FAM20B: variants seen among roughly 807,000 people sequenced by gnomAD.
FAM20B encodes the protein FAM20B glycosaminoglycan xylosylkinase, also known as glycosaminoglycan xylosylkinase.
In FAM20B, 23 loss-of-function variants were observed where a neutral mutation model predicts 43.8. The observed-to-expected ratio is 0.53, with a 90% CI of 0.38 to 0.74. The LOEUF is 0.74. Among genes scored for constraint, FAM20B ranks in the 30% least tolerant of loss-of-function variants. The pLI is 0.00. For synonymous variants in FAM20B, 178 were observed against 192.4 expected, an observed-to-expected ratio of 0.93 and a Z score of 0.62; for missense variants, 440 against 510.5, an observed-to-expected ratio of 0.86 and a Z score of 1.33.
chr1:179,034,581 A>G (rs547996428), intron 1 of FAM20B, among the ~76,000 whole-genome samples: 1 of 152,310 alleles, frequency 6.6e-6, no homozygotes, highest in East Asian at 1.9e-4. Flanking sequence ...CTGTCTTTGC[A>G]GACAGTCTAC....
intron 2 of FAM20B, among the ~76,000 whole-genome samples, chr1:179,048,673 T>C (rs920586947): frequency 6.6e-5 from 10 of 152,230 alleles, no homozygotes; most frequent in Non-Finnish European, 1.0e-4. Context: ...GTAGCTAATA[T>C]AAACCTTTTA....
At chr1:179,030,766 T>C (rs887717614) in intron 1 of FAM20B, among the ~76,000 whole-genome samples, 2 of 151,944 alleles carry the variant, frequency 1.3e-5, no homozygotes, top group East Asian at 1.9e-4. Flanking sequence ...CAAACACTTA[T>C]CAGATGCCTC....
intron 1 of FAM20B, among the ~76,000 whole-genome samples, chr1:179,033,103 G>A (rs753855854): frequency 6.6e-6 from 1 of 152,182 alleles, no homozygotes; most frequent in African/African-American, 2.4e-5. Context: ...CGGTAAAAGC[G>A]TGTGTGTGTC....
intron 1 of FAM20B, among the ~76,000 whole-genome samples, chr1:179,026,454 C>T (rs1649784753): frequency 6.6e-6 from 1 of 152,152 alleles, no homozygotes; most frequent in South Asian, 2.1e-4. Context: ...CTTCTAGTGA[C>T]CGTCTCTCGT....
At chr1:179,053,051 T>C (rs1024604005) in intron 3 of FAM20B, among the ~76,000 whole-genome samples, 2 of 152,222 alleles carry the variant, frequency 1.3e-5, no homozygotes, top group African/African-American at 4.8e-5. Context: ...TCTTAGAGTA[T>C]TTGTGTACTT....
At chr1:179,041,398 A>C (rs1366636875) in intron 1 of FAM20B, among the ~76,000 whole-genome samples, 1 of 152,084 alleles carries the variant, frequency 6.6e-6, no homozygotes, top group African/African-American at 2.4e-5. Context: ...CTCCGTCTGC[A>C]ATCCCGGCAC....
intron 1 of FAM20B, among the ~76,000 whole-genome samples, chr1:179,026,455 C>T (rs1464161138): frequency 3.9e-5 from 6 of 152,132 alleles, no homozygotes; most frequent in Admixed American, 3.9e-4. Flanking sequence ...TTCTAGTGAC[C>T]GTCTCTCGTC....
intron 4 of FAM20B, among the ~76,000 whole-genome samples, chr1:179,061,019 G>A (rs1651440703): frequency 6.7e-6 from 1 of 150,298 alleles, no homozygotes; most frequent in Non-Finnish European, 1.5e-5. Flanking sequence ...ACGTATAGGA[G>A]TTCATCCCTA....
intron 7 of FAM20B, among the ~76,000 whole-genome samples, chr1:179,070,847 G>GT (rs966279133): frequency 6.6e-6 from 1 of 151,666 alleles, no homozygotes; most frequent in African/African-American, 2.4e-5. Context: ...AACAGCATTA[G>GT]TTCCACCCAT....
chr1:179,030,486 G>A (rs1205995918), intron 1 of FAM20B, among the ~76,000 whole-genome samples: 1 of 152,124 alleles, frequency 6.6e-6, no homozygotes, highest in African/African-American at 2.4e-5. Context: ...AATCCCAGCC[G>A]ATACTAGGAA....
rs780575250 is a variant in FAM20B at position 179,044,190 on chromosome 1, G to A, written c.343G>A (p.Glu115Lys). ...ACAGCTGAAAGCCTTACTGATACTT[G>A]AAGGAGGCCAGAAAGTTGTTTTCAA... ...GTQLKALLIL[E>K]GGQKVVFKPK... Residue 115 changes from glutamate to lysine, a missense_variant, in exon 2 of 8, where the codon GAA (glutamate) becomes AAA (lysine). Physicochemically the swap from Glu to Lys is moderately conservative, Grantham distance 56. Transcript: ENST00000263733. 4 of 1,611,380 alleles carry A rather than the reference G, an allele frequency of 2.5e-6. No homozygotes were observed. The highest frequency in any genetic ancestry group is 1.3e-5 in the African/African-American group (1 of 74,874).
At chr1:179,063,824 C>A in intron 4 of FAM20B, 103 bp from the exon 5 acceptor site, 1 of 758,728 alleles carries the variant, frequency 1.3e-6, no homozygotes, top group Non-Finnish European at 2.1e-6. Flanking sequence ...TCTTTGTTTT[C>A]ACCATGCTTA....
chr1:179,064,418 A>G lies in FAM20B; in HGVS notation c.860A>G (p.Asn287Ser), dbSNP rs1651608027. 8 of 1,614,180 alleles carry G rather than the reference A, an allele frequency of 5.0e-6. No individual in the cohort carries two copies. Among genetic ancestry groups the G allele is most frequent in the Non-Finnish European group, 6.8e-6 (8 of 1,180,016 alleles). ...GCTGTCTTTGATTACCTGATTGGCA[A>G]TGCTGACCGCCATCACTATGAGAGC... The part of the protein sequence containing the change: ...DTAVFDYLIG[N>S]ADRHHYESFQ... Residue 287 changes from asparagine (N) to serine (S), a missense_variant, in exon 6 of 8, where the codon AAT becomes AGT. By Grantham distance (46) the Asn-to-Ser change is conservative. Transcript: ENST00000263733.
intron 7 of FAM20B, among the ~76,000 whole-genome samples, chr1:179,067,402 C>A (rs561355544): frequency 6.6e-6 from 1 of 152,114 alleles, no homozygotes; most frequent in Non-Finnish European, 1.5e-5. Context: ...GTCAGGAGTT[C>A]GAGACCAGCC....
intron 7 of FAM20B, among the ~76,000 whole-genome samples, chr1:179,071,617 TTAAC>T (rs1475066001): frequency 1.3e-5 from 2 of 152,214 alleles, no homozygotes; most frequent in African/African-American, 4.8e-5. Flanking sequence ...GAACCATAAT[TTAAC>T]TATTTCCCAG....
At chr1:179,062,815 G>A (rs1651526015) in intron 4 of FAM20B, among the ~76,000 whole-genome samples, 1 of 152,102 alleles carries the variant, frequency 6.6e-6, no homozygotes, top group African/African-American at 2.4e-5. Flanking sequence ...CACTCAGTCT[G>A]TCTACTTATT....
At chr1:179,035,865 C>T (rs1247847975) in intron 1 of FAM20B, among the ~76,000 whole-genome samples, 5 of 152,116 alleles carry the variant, frequency 3.3e-5, no homozygotes, top group Non-Finnish European at 7.3e-5. Flanking sequence ...CGTGGTGGCT[C>T]ACACCTGTAA....
intron 7 of FAM20B, among the ~76,000 whole-genome samples, chr1:179,070,966 GC>G (rs1269560227): frequency 2.0e-5 from 3 of 152,032 alleles, no homozygotes; most frequent in Non-Finnish European, 2.9e-5. Flanking sequence ...TCAAATGGTA[GC>G]AGTTGGTGAA....
At position 179,066,008 on chromosome 1, in the gene FAM20B, C is replaced by G. The variant is rs150584788; in HGVS notation, c.939-792C>G. Reference sequence around the variant, plus strand: ...ATCCCGTTCATGTGGGCTCTTCCCTCGTAACTTAATCATCTCCCAAAGGCC... The same window carrying G: ...ATCCCGTTCATGTGGGCTCTTCCCTGGTAACTTAATCATCTCCCAAAGGCC... On this transcript the variant is annotated intron_variant, in intron 6 of 7. Transcript: ENST00000263733. Among the ~76,000 whole-genome samples, 545 of 152,250 alleles carry G rather than the reference C, an allele frequency of 3.6e-3. 4 individuals are homozygous for G. Among genetic ancestry groups the G allele is most frequent in the African/African-American group, 0.013 (520 of 41,526 alleles).
Sources: allele counts gnomAD v4.1 joint callset (sites outside exome capture counted in the v4.1 genomes callset), GRCh38; gene constraint gnomAD v4.1.1; transcripts MANE v1.5; gene names NCBI Gene and HGNC (gene_info 2026-07-23, HGNC 2026-07-21).